CNTN4: variants seen among roughly 807,000 people sequenced by gnomAD.
CNTN4 encodes the protein contactin-4.
In CNTN4, 77 loss-of-function variants were observed where a neutral mutation model predicts 122.5. The observed-to-expected ratio is 0.63, with a 90% CI of 0.52 to 0.76. The LOEUF is 0.76. Among genes scored for constraint, CNTN4 ranks in the 30% least tolerant of loss-of-function variants. The pLI is 0.00. For synonymous variants in CNTN4, 512 were observed against 447.0 expected (o/e 1.15, Z -1.83); for missense variants, 1,256 against 1,259.1 (o/e 1.00, Z 0.04).
At chr3:2,715,157 A>G (rs2087413497) in intron 4 of CNTN4, among the ~76,000 whole-genome samples, 1 of 152,234 alleles carries the variant, frequency 6.6e-6, no homozygotes, top group Non-Finnish European at 1.5e-5. Flanking sequence ...AAAGGAATCA[A>G]TAATTCGCTT....
At chr3:2,125,037 G>A (rs1043309397) in intron 2 of CNTN4, among the ~76,000 whole-genome samples, 8 of 152,056 alleles carry the variant, frequency 5.3e-5, no homozygotes, top group East Asian at 1.9e-4. Context: ...GCACTATGTC[G>A]TGTAGCAGAT....
chr3:2,328,609 A>G (rs1043032303), intron 2 of CNTN4, among the ~76,000 whole-genome samples: 1 of 152,070 alleles, frequency 6.6e-6, no homozygotes, highest in African/African-American at 2.4e-5. Flanking sequence ...TTGGCCCTCC[A>G]TATCCTTGGG....
At chr3:2,644,382 C>T (rs1324358483) in intron 4 of CNTN4, among the ~76,000 whole-genome samples, 3 of 152,112 alleles carry the variant, frequency 2.0e-5, no homozygotes, top group Non-Finnish European at 4.4e-5. Flanking sequence ...AAGCTCCATA[C>T]ATCTAGGTTT....
chr3:3,044,602 C>G (rs75148606), intron 23 of CNTN4, among the ~76,000 whole-genome samples: 8,526 of 152,232 alleles, frequency 0.056, 385 homozygotes, highest in Admixed American at 0.093. Flanking sequence ...GCTGCCAGCC[C>G]TTTTAAAAGC....
chr3:2,420,724 G>A (rs140083213), intron 3 of CNTN4, among the ~76,000 whole-genome samples: 152 of 152,114 alleles, frequency 1.0e-3, no homozygotes, highest in African/African-American at 3.5e-3. Flanking sequence ...GGGCCACCGC[G>A]CCTGGCCAAA....
At chr3:2,897,257 A>T (rs2094125376) in intron 10 of CNTN4, among the ~76,000 whole-genome samples, 1 of 152,196 alleles carries the variant, frequency 6.6e-6, no homozygotes, top group African/African-American at 2.4e-5. Flanking sequence ...CACAGAGTCA[A>T]ATCCCAGCAC....
At chr3:2,222,056 C>A (rs1575112247) in intron 2 of CNTN4, among the ~76,000 whole-genome samples, 1 of 151,934 alleles carries the variant, frequency 6.6e-6, no homozygotes, top group East Asian at 1.9e-4. Flanking sequence ...AGGTATATAC[C>A]CAAGAGAAAT....
At chr3:2,137,181 C>G (rs897317628) in intron 2 of CNTN4, among the ~76,000 whole-genome samples, 1 of 152,126 alleles carries the variant, frequency 6.6e-6, no homozygotes, top group Non-Finnish European at 1.5e-5. Context: ...AAAATGGCTC[C>G]TTTAGACTGA....
intron 6 of CNTN4, among the ~76,000 whole-genome samples, chr3:2,817,945 G>A (rs749969923): frequency 6.6e-6 from 1 of 152,188 alleles, no homozygotes. Flanking sequence ...CTCACCTGGT[G>A]TCCATTGAAT....
chr3:2,584,922 T>A (rs1051749240), intron 4 of CNTN4, among the ~76,000 whole-genome samples: 13 of 149,086 alleles, frequency 8.7e-5, no homozygotes, highest in Non-Finnish European at 1.5e-4. Flanking sequence ...GGTAGGTAGA[T>A]AGATAGATAG....
chr3:2,422,831 G>C lies in CNTN4; in HGVS notation c.-89+83598G>C, dbSNP rs185302951. ...GGTTGCTTTATCACATGTAGACATGGAGGGACCATCAGGTAATGAGATATA... is the reference window on the plus strand; with the variant it reads ...GGTTGCTTTATCACATGTAGACATGCAGGGACCATCAGGTAATGAGATATA... On this transcript the variant is annotated intron_variant, in intron 3 of 24. Coordinates refer to ENST00000418658, the MANE Select transcript of CNTN4 (RefSeq NM_175607.3). Among the ~76,000 whole-genome samples the C allele has an allele frequency of 3.2e-4, 48 of 152,280 alleles. No homozygotes were observed. In the Middle Eastern group the frequency reaches 0.01, roughly 32 times the overall value.
At chr3:2,925,538 C>G (rs1577295943) in intron 12 of CNTN4, 91 bp from the exon 13 acceptor site, 2 of 1,406,044 alleles carry the variant, frequency 1.4e-6, no homozygotes, top group South Asian at 1.2e-5. Flanking sequence ...GAGCAAGACT[C>G]TGTCTCAAAA....
intron 2 of CNTN4, among the ~76,000 whole-genome samples, chr3:2,202,784 A>G (rs1296081865): frequency 2.6e-5 from 4 of 151,804 alleles, no homozygotes; most frequent in Non-Finnish European, 5.9e-5. Context: ...TTAGGTGCTT[A>G]TTTAACCGGA....
At chr3:2,670,847 T>G (rs934620014) in intron 4 of CNTN4, among the ~76,000 whole-genome samples, 166 of 152,328 alleles carry the variant, frequency 1.1e-3, no homozygotes, top group South Asian at 4.6e-3. Context: ...TCTCCTTCAC[T>G]TATGAAGCTT....
At chr3:2,863,719 C>A (rs1417110540) in intron 7 of CNTN4, among the ~76,000 whole-genome samples, 2 of 151,836 alleles carry the variant, frequency 1.3e-5, no homozygotes, top group Admixed American at 6.6e-5. Context: ...ATTCCATGAG[C>A]AAATAAGTTT....
intron 2 of CNTN4, among the ~76,000 whole-genome samples, chr3:2,206,195 A>T (rs1174283416): frequency 6.6e-6 from 1 of 152,102 alleles, no homozygotes; most frequent in Non-Finnish European, 1.5e-5. Context: ...GTAATACCTC[A>T]CTGCAACCTC....
At chr3:2,390,156 A>T (rs1298914868) in intron 3 of CNTN4, among the ~76,000 whole-genome samples, 1 of 151,780 alleles carries the variant, frequency 6.6e-6, no homozygotes, top group African/African-American at 2.4e-5. Flanking sequence ...ACAATAAATT[A>T]TTTAGGGTTA....
At chr3:2,863,735 C>T (rs935808905) in intron 7 of CNTN4, among the ~76,000 whole-genome samples, 2 of 151,164 alleles carry the variant, frequency 1.3e-5, no homozygotes, top group African/African-American at 2.4e-5. Flanking sequence ...AGTTTGGATG[C>T]TTAAACACTC....
At chr3:3,047,562 A>G (rs1700791853) in intron 23 of CNTN4, among the ~76,000 whole-genome samples, 1 of 145,106 alleles carries the variant, frequency 6.9e-6, no homozygotes, top group African/African-American at 2.6e-5. Flanking sequence ...AGAAATAAAG[A>G]TGTTCTTTGA....
Sources: allele counts gnomAD v4.1 joint callset (sites outside exome capture counted in the v4.1 genomes callset), GRCh38; gene constraint gnomAD v4.1.1; transcripts MANE v1.5; gene names NCBI Gene and HGNC (gene_info 2026-07-23, HGNC 2026-07-21).